The following TCF7L2 variants were observed in gnomAD, a reference collection of about 807,000 sequenced individuals.
TCF7L2 encodes transcription factor 7 like 2.
Under a neutral mutation model 77.9 loss-of-function variants are expected in TCF7L2, and 23 were observed. That is an observed-to-expected ratio of 0.30 (90% CI 0.21 to 0.42). TCF7L2 has a LOEUF of 0.42. Ranked by LOEUF, TCF7L2 falls within the 10% of genes least tolerant of loss-of-function variation. The pLI is 1.00. For synonymous variants in TCF7L2, 413 were observed against 340.2 expected (o/e 1.21, Z -2.36); for missense variants, 654 against 793.1 (o/e 0.82, Z 2.11).
intron 4 of TCF7L2, among the ~76,000 whole-genome samples, chr10:113,006,183 C>G (rs554725913): frequency 6.6e-6 from 1 of 152,134 alleles, no homozygotes; most frequent in East Asian, 1.9e-4. Context: ...ACAGCACATT[C>G]TGCCGTAATG....
chr10:112,973,271 G>C (rs1000523879), intron 4 of TCF7L2, among the ~76,000 whole-genome samples: 1 of 152,142 alleles, frequency 6.6e-6, no homozygotes, highest in Non-Finnish European at 1.5e-5. Flanking sequence ...CCTTCTCTGG[G>C]GATAGCTCTT....
At chr10:113,049,446 G>C (rs1330659874) in intron 5 of TCF7L2, among the ~76,000 whole-genome samples, 1 of 151,870 alleles carries the variant, frequency 6.6e-6, no homozygotes, top group Non-Finnish European at 1.5e-5. Context: ...CATCCCACAG[G>C]CCCAAGTGTG....
At chr10:113,084,930 C>A (rs975076906) in intron 5 of TCF7L2, among the ~76,000 whole-genome samples, 2 of 149,752 alleles carry the variant, frequency 1.3e-5, no homozygotes, top group African/African-American at 2.5e-5. Context: ...AAACAAAAAA[C>A]CCTGACACAT....
At chr10:113,153,282 G>T (rs569963960) in intron 11 of TCF7L2, among the ~76,000 whole-genome samples, 1 of 152,174 alleles carries the variant, frequency 6.6e-6, no homozygotes, top group Non-Finnish European at 1.5e-5. Flanking sequence ...CAGTAACTCC[G>T]CTTTCCTCTC....
At chr10:113,147,278 A>G (rs1427433637) in intron 8 of TCF7L2, among the ~76,000 whole-genome samples, 1 of 152,216 alleles carries the variant, frequency 6.6e-6, no homozygotes, top group African/African-American at 2.4e-5. Context: ...CCTGTGGCCA[A>G]CATGGGAAGC....
At chr10:113,144,053 T>G in intron 7 of TCF7L2, 28 bp downstream of exon 7, 2 of 1,574,008 alleles carry the variant, frequency 1.3e-6, no homozygotes, top group Non-Finnish European at 1.7e-6. Flanking sequence ...TTAATTTCCT[T>G]TTTGTTTCTT....
intron 5 of TCF7L2, among the ~76,000 whole-genome samples, chr10:113,091,547 T>C (rs766736714): frequency 2.0e-5 from 3 of 152,018 alleles, no homozygotes; most frequent in East Asian, 1.9e-4. Flanking sequence ...TGAAACCCCG[T>C]CTCTACTAAA....
chr10:113,073,099 CGTGTGTGT>C (rs71489997), intron 5 of TCF7L2, among the ~76,000 whole-genome samples: 4 of 103,962 alleles, frequency 3.8e-5, no homozygotes, highest in Non-Finnish European at 7.5e-5. Flanking sequence ...AGGGCCAGGT[CGTGTGTGT>C]GTGTGTGTGT....
chr10:113,102,855 G>T (rs1178084193), intron 5 of TCF7L2, among the ~76,000 whole-genome samples: 2 of 152,114 alleles, frequency 1.3e-5, no homozygotes, highest in Non-Finnish European at 2.9e-5. Flanking sequence ...TCTGGCACTG[G>T]ATTAAGCTTT....
chr10:113,102,983 A>G (rs1488294443), intron 5 of TCF7L2, among the ~76,000 whole-genome samples: 1 of 152,246 alleles, frequency 6.6e-6, no homozygotes, highest in East Asian at 1.9e-4. Context: ...ACTGTATACC[A>G]GGCTCTGCCT....
At chr10:112,960,471 T>C (rs1217917545) in intron 3 of TCF7L2, among the ~76,000 whole-genome samples, 1 of 152,100 alleles carries the variant, frequency 6.6e-6, no homozygotes, top group East Asian at 1.9e-4. Context: ...TGATTTTTGT[T>C]GAGAGCTTCA....
chr10:112,974,808 A>G (rs929454837), intron 4 of TCF7L2, among the ~76,000 whole-genome samples: 2 of 152,186 alleles, frequency 1.3e-5, no homozygotes, highest in Non-Finnish European at 2.9e-5. Flanking sequence ...TATTTTATAA[A>G]GTCCCTGAAA....
chr10:113,138,787 A>G (rs1228357367), intron 5 of TCF7L2, among the ~76,000 whole-genome samples: 1 of 152,106 alleles, frequency 6.6e-6, no homozygotes, highest in Non-Finnish European at 1.5e-5. Context: ...GCGGAACACA[A>G]GAACCACCCA....
chr10:113,081,297 C>A (rs989319884), intron 5 of TCF7L2, among the ~76,000 whole-genome samples: 8 of 152,252 alleles, frequency 5.3e-5, no homozygotes, highest in Non-Finnish European at 7.3e-5. Context: ...TTACAGCACA[C>A]AACACGCACC....
At chr10:113,040,748 T>C (rs1345582301) in intron 5 of TCF7L2, among the ~76,000 whole-genome samples, 1 of 152,228 alleles carries the variant, frequency 6.6e-6, no homozygotes, top group Non-Finnish European at 1.5e-5. Flanking sequence ...CAAGTGTGTG[T>C]CTACATATAT....
chr10:113,158,832 T>A (rs553975544), intron 12 of TCF7L2, 115 bp downstream of exon 13: 17 of 1,093,028 alleles, frequency 1.6e-5, no homozygotes, highest in East Asian at 5.2e-5. Context: ...TTCTTTAAAA[T>A]GACCATCAAC....
rs375223335 is a variant in TCF7L2, at chr10:113,143,985, G to A, written c.748G>A (p.Val250Ile). 11 of 1,614,060 alleles carry A rather than the reference G, an allele frequency of 6.8e-6. No individual in the cohort carries two copies. Among genetic ancestry groups the A allele is most frequent in the South Asian group, 4.4e-5 (4 of 91,082 alleles). The stretch of plus-strand genomic sequence containing the variant: ...GTATTACCCACTATCGCCTGGCACC[G>A]TAGGACAAATCCCCCATCCGCTAGG... The change falls in exon 7 of 14, where the codon GTA becomes ATA. Residue 250 changes from valine (V) to isoleucine (I), a missense_variant. By Grantham distance (29) the Val-to-Ile change is conservative (BLOSUM62 3). This residue lies in a region of TCF7L2 where 179 missense variants were observed against 270.6 expected (regional missense o/e 0.66). Coordinates refer to ENST00000627217, the MANE Select transcript of TCF7L2 (RefSeq NM_001146274.2).
intron 5 of TCF7L2, among the ~76,000 whole-genome samples, chr10:113,113,257 C>T (rs750787552): frequency 9.9e-5 from 15 of 152,146 alleles, no homozygotes; most frequent in Non-Finnish European, 1.6e-4. Context: ...TAGTCCCGAT[C>T]GCTAATAAGA....
chr10:113,156,569 C>G (rs1226909091), intron 11 of TCF7L2, among the ~76,000 whole-genome samples: 1 of 152,224 alleles, frequency 6.6e-6, no homozygotes, highest in Non-Finnish European at 1.5e-5. Flanking sequence ...GCTACTTCAT[C>G]TGGTAGGGCT....
Sources: gnomAD v4.1 joint callset for allele counts (sites outside exome capture counted in the v4.1 genomes callset) on GRCh38, gnomAD v4.1.1 for gene constraint, gnomAD v4.1.1 regional missense constraint, MANE v1.5 for transcripts, NCBI Gene and HGNC (gene_info 2026-07-23, HGNC 2026-07-21) for gene names.